CELF2: variants seen among roughly 807,000 people sequenced by gnomAD.
The protein encoded by CELF2 is CUG triplet repeat RNA-binding protein 2.
Under a neutral mutation model 62.6 loss-of-function variants are expected in CELF2, and 8 were observed. The observed-to-expected ratio is 0.13, with a 90% CI of 0.07 to 0.23. The LOEUF is 0.23. CELF2 is among the 10% of genes least tolerant of loss of function. The pLI is 1.00. For missense variants in CELF2, 333 were observed against 671.0 expected (o/e 0.50, Z 5.56); for synonymous variants, 258 against 250.0 (o/e 1.03, Z -0.30).
the CELF2 span, among the ~76,000 whole-genome samples, chr10:10,758,685 C>A: frequency 6.6e-5 from 10 of 152,204 alleles, no homozygotes; most frequent in East Asian, 1.7e-3. Context: ...GACCTTGGTG[C>A]CTTAATGGAA....
intron 2 of CELF2, among the ~76,000 whole-genome samples, chr10:11,201,741 A>C (rs1467082468): frequency 6.6e-6 from 1 of 152,160 alleles, no homozygotes; most frequent in Admixed American, 6.5e-5. Context: ...TGCCCTATAG[A>C]TGACCAGGCC....
the CELF2 span, among the ~76,000 whole-genome samples, chr10:10,563,933 A>G: frequency 6.6e-6 from 1 of 152,238 alleles, no homozygotes; most frequent in Non-Finnish European, 1.5e-5. Flanking sequence ...AGTGTAATGT[A>G]TCAAAGTGAC....
the CELF2 span, among the ~76,000 whole-genome samples, chr10:10,616,298 GTGTGT>G: frequency 9.4e-6 from 1 of 106,388 alleles, no homozygotes; most frequent in Non-Finnish European, 1.9e-5. Context: ...TGTTTGGGGT[GTGTGT>G]GTGTGTGTGT....
the CELF2 span, among the ~76,000 whole-genome samples, chr10:10,525,298 G>T: frequency 2.6e-5 from 4 of 152,114 alleles, no homozygotes; most frequent in African/African-American, 9.7e-5. Context: ...CCCACAGAAA[G>T]CCCAGAACAG....
At chr10:10,820,635 T>G (rs971094563) in intron 1 of CELF2, among the ~76,000 whole-genome samples, 2 of 152,104 alleles carry the variant, frequency 1.3e-5, no homozygotes, top group Non-Finnish European at 2.9e-5. Flanking sequence ...CAGAGTGTTG[T>G]GAGGGTGACA....
chr10:10,958,487 C>T (rs553392613), intron 2 of CELF2, among the ~76,000 whole-genome samples: 2 of 152,180 alleles, frequency 1.3e-5, no homozygotes, highest in Non-Finnish European at 2.9e-5. Flanking sequence ...GACAGAGGGC[C>T]TCTGAGTTGG....
At chr10:11,236,426 G>A (rs368774446) in intron 3 of CELF2, among the ~76,000 whole-genome samples, 5 of 152,228 alleles carry the variant, frequency 3.3e-5, no homozygotes, top group African/African-American at 7.2e-5. Flanking sequence ...GATGCCTTGC[G>A]TTGTGCAGGA....
chr10:10,642,688 C>T, the CELF2 span, among the ~76,000 whole-genome samples: 290 of 152,326 alleles, frequency 1.9e-3, 1 homozygote, highest in Admixed American at 2.8e-3. Context: ...TTATTTTTAA[C>T]AGGCATGCTT....
chr10:11,044,989 T>G (rs539713916), intron 1 of CELF2, among the ~76,000 whole-genome samples: 2 of 152,256 alleles, frequency 1.3e-5, no homozygotes, highest in African/African-American at 2.4e-5. Flanking sequence ...CTCGCCTGTT[T>G]ATTCCATTTA....
rs1380753299 is a variant in CELF2 at position 10,947,759 on chromosome 10, A to T, written c.89+27760A>T. 6.6e-6 allele frequency among the ~76,000 whole-genome samples: 1 copy of T among 152,222 alleles called. No homozygotes were observed. Among genetic ancestry groups the T allele is most frequent in the Non-Finnish European group, 1.5e-5 (1 of 68,042 alleles). Reference sequence around the variant, plus strand: ...GTAGCGTAAGAAGACACATACACACATCTTCACCACAGAAGAAAAATATGG... The same window carrying T: ...GTAGCGTAAGAAGACACATACACACTTCTTCACCACAGAAGAAAAATATGG... On this transcript the variant is annotated intron_variant, in intron 2 of 13. Coordinates refer to the CELF2 transcript ENST00000636488. This position sits in a 1 kb window ranked among gnomAD's most constrained non-coding sequence, Gnocchi z 4.1.
intron 2 of CELF2, among the ~76,000 whole-genome samples, chr10:10,932,676 A>ATGTGTGTGTG (rs72121252): frequency 0.02 from 3,083 of 150,826 alleles, 50 homozygotes; most frequent in Non-Finnish European, 0.027. Flanking sequence ...ATGTATGTGT[A>ATGTGTGTGTG]TGTGTGTGTG....
the CELF2 span, among the ~76,000 whole-genome samples, chr10:10,623,308 A>G: frequency 8.5e-5 from 13 of 152,090 alleles, no homozygotes; most frequent in Non-Finnish European, 1.6e-4. Context: ...ATGCGTCCAA[A>G]AAGTGCTCCA....
intron 1 of CELF2, among the ~76,000 whole-genome samples, chr10:11,125,891 T>TA (rs35793788): frequency 0.27 from 41,040 of 152,174 alleles, 6,604 homozygotes; most frequent in East Asian, 0.76. Context: ...TTTGTGTTAT[T>TA]AAAATCACAG....
chr10:10,595,179 T>C, the CELF2 span, among the ~76,000 whole-genome samples: 1 of 152,238 alleles, frequency 6.6e-6, no homozygotes, highest in Non-Finnish European at 1.5e-5. Context: ...TGAAAATGTA[T>C]GTTACATAAA....
chr10:10,560,169 C>T, the CELF2 span, among the ~76,000 whole-genome samples: 1 of 152,146 alleles, frequency 6.6e-6, no homozygotes, highest in Admixed American at 6.5e-5. Context: ...ACCCTGTAGT[C>T]AACTCGAAAA....
At chr10:10,666,880 G>GA in the CELF2 span, among the ~76,000 whole-genome samples, 69 of 66,592 alleles carry the variant, frequency 1.0e-3, 9 homozygotes, top group South Asian at 3.1e-3. Flanking sequence ...AAAAAAAAAA[G>GA]AAAAAAAAAA....
chr10:11,222,275 G>A (rs1001671966), intron 3 of CELF2, among the ~76,000 whole-genome samples: 1 of 152,154 alleles, frequency 6.6e-6, no homozygotes, highest in Non-Finnish European at 1.5e-5. Flanking sequence ...AGGTATTAAT[G>A]CCTTTGTTCT....
At position 11,107,348 on chromosome 10, in the gene CELF2, G is replaced by T. The variant is rs529328408; in HGVS notation, c.75-58138G>T. Among the ~76,000 whole-genome samples, 3 of 152,264 alleles carry T rather than the reference G, an allele frequency of 2.0e-5. No homozygotes were observed. The South Asian group carries it at 6.2e-4, about 32-fold the overall frequency. On this transcript the variant is annotated intron_variant, in intron 1 of 12. Transcript: ENST00000633077. Reference sequence around the variant, plus strand: ...TCAGAGAACTGGATTCCAGATGTGTGTGTTGATGTGGACACCACACACTTG... The same window carrying T: ...TCAGAGAACTGGATTCCAGATGTGTTTGTTGATGTGGACACCACACACTTG...
chr10:10,725,706 T>C, the CELF2 span, among the ~76,000 whole-genome samples: 1 of 152,196 alleles, frequency 6.6e-6, no homozygotes, highest in Non-Finnish European at 1.5e-5. Context: ...CTAGGTGTAG[T>C]AAATACAGGC....
Sources: allele counts gnomAD v4.1 joint callset (sites outside exome capture counted in the v4.1 genomes callset), GRCh38; gene constraint gnomAD v4.1.1; non-coding constraint Gnocchi (gnomAD v3.1); transcripts MANE v1.5; gene names NCBI Gene and HGNC (gene_info 2026-07-23, HGNC 2026-07-21).